DLG2: variants seen among roughly 807,000 people sequenced by gnomAD.
The protein encoded by DLG2 is discs large MAGUK scaffold protein 2, also known as disks large homolog 2.
DLG2 carries 45 observed loss-of-function variants against 132.5 expected under a neutral mutation model. That is an observed-to-expected ratio of 0.34 (90% CI 0.27 to 0.44). The LOEUF is 0.44. Ranked by LOEUF, DLG2 falls within the 20% of genes least tolerant of loss-of-function variation. The pLI is 1.00. For missense variants in DLG2, 1,045 were observed against 1,196.9 expected (o/e 0.87, Z 1.87); for synonymous variants, 424 against 419.6 (o/e 1.01, Z -0.13).
At chr11:84,514,725 T>C (rs1315489128) in intron 7 of DLG2, among the ~76,000 whole-genome samples, 1 of 151,748 alleles carries the variant, frequency 6.6e-6, no homozygotes, top group Non-Finnish European at 1.5e-5. Context: ...AGTTGTATAG[T>C]TAGAGTGAAT....
chr11:83,610,715 G>A (rs7948803), intron 19 of DLG2, among the ~76,000 whole-genome samples: 1,547 of 152,144 alleles, frequency 0.01, 25 homozygotes, highest in African/African-American at 0.036. Context: ...ACCATTTATT[G>A]AGCATCTTTT....
intron 6 of DLG2, among the ~76,000 whole-genome samples, chr11:84,830,723 A>G (rs1461604527): frequency 6.6e-6 from 1 of 151,556 alleles, no homozygotes; most frequent in Non-Finnish European, 1.5e-5. Flanking sequence ...GGTAATAAGC[A>G]AGCAAGGTAT....
In DLG2 at chr11:85,285,325, T is replaced by G. The variant is rs1233310188; in HGVS notation, c.81A>C (p.Gln27His). 1 of 1,611,840 alleles carries G rather than the reference T, an allele frequency of 6.2e-7. No individual in the cohort carries two copies. The highest frequency in any genetic ancestry group is 1.7e-4 in the Middle Eastern group (1 of 6,040). The change falls in exon 4 of 28, where the codon CAA becomes CAC. Residue 27 changes from glutamine to histidine, a missense_variant. Physicochemically the swap from Gln to His is conservative, Grantham distance 24. Transcript: ENST00000376104. ...EFYEVTLLNSQKSCEQKIEEA... is the reference protein window; with the variant it reads ...EFYEVTLLNSHKSCEQKIEEA... ...CTTCTATCTTCTGCTCACAACTTTT[T>G]TGAGAATTTAGCAATGTCACCTCAT...
intron 4 of DLG2, among the ~76,000 whole-genome samples, chr11:85,193,363 C>G (rs371545679): frequency 6.6e-6 from 1 of 152,146 alleles, no homozygotes; most frequent in East Asian, 1.9e-4. Context: ...ATGAATAATG[C>G]TGCTATGAAC....
intron 18 of DLG2, among the ~76,000 whole-genome samples, chr11:83,757,726 A>T (rs1425119568): frequency 6.6e-6 from 1 of 152,098 alleles, no homozygotes; most frequent in Admixed American, 6.6e-5. Context: ...AGCTTCTCTG[A>T]CTTCACACAC....
At chr11:85,339,399 G>A (rs1304060211) in intron 3 of DLG2, among the ~76,000 whole-genome samples, 2 of 152,122 alleles carry the variant, frequency 1.3e-5, no homozygotes, top group African/African-American at 4.8e-5. Flanking sequence ...TGGGCTGAAA[G>A]GTAAATGCAC....
intron 6 of DLG2, among the ~76,000 whole-genome samples, chr11:84,858,441 A>G (rs1391562229): frequency 1.3e-5 from 2 of 152,086 alleles, no homozygotes; most frequent in Non-Finnish European, 2.9e-5. Context: ...TGGCTCTGAA[A>G]TTGTGCATTT....
At chr11:84,064,586 G>T (rs1036964408) in intron 10 of DLG2, among the ~76,000 whole-genome samples, 7 of 152,232 alleles carry the variant, frequency 4.6e-5, no homozygotes, top group Admixed American at 2.6e-4. Context: ...TTGAGAGAAT[G>T]CATGTGAAAT....
At chr11:85,345,371 G>C (rs1367254110) in intron 3 of DLG2, among the ~76,000 whole-genome samples, 1 of 152,048 alleles carries the variant, frequency 6.6e-6, no homozygotes, top group Non-Finnish European at 1.5e-5. Flanking sequence ...AGTACATAGG[G>C]TGTGGCTTGA....
chr11:85,467,547 T>A (rs1169934918), intron 3 of DLG2, among the ~76,000 whole-genome samples: 1 of 152,248 alleles, frequency 6.6e-6, no homozygotes, highest in African/African-American at 2.4e-5. Flanking sequence ...CAAAGGCCTT[T>A]TCTGCATTTA....
intron 3 of DLG2, among the ~76,000 whole-genome samples, chr11:85,500,211 CA>C (rs1244835366): frequency 1.3e-5 from 2 of 152,020 alleles, no homozygotes; most frequent in Non-Finnish European, 2.9e-5. Flanking sequence ...CGTCTCAGCC[CA>C]AAATCTCCCT....
chr11:84,555,446 TAC>T (rs35883976), intron 6 of DLG2, among the ~76,000 whole-genome samples: 36,350 of 151,632 alleles, frequency 0.24, 4,610 homozygotes, highest in South Asian at 0.35. Context: ...TATCCATATA[TAC>T]ACACACACAC....
At chr11:84,414,457 C>CA (rs368289663) in intron 7 of DLG2, among the ~76,000 whole-genome samples, 1 of 152,130 alleles carries the variant, frequency 6.6e-6, no homozygotes, top group Admixed American at 6.5e-5. Flanking sequence ...ATTCAATCCA[C>CA]AAACTGCCTG....
chr11:84,370,686 G>A (rs2098702565), intron 7 of DLG2, among the ~76,000 whole-genome samples: 1 of 152,116 alleles, frequency 6.6e-6, no homozygotes, highest in Admixed American at 6.6e-5. Context: ...TCCCACAAGA[G>A]TACTATTTCT....
Position 84,251,332 on chromosome 11 carries a change from G to A in DLG2, c.520-41C>T, listed in dbSNP as rs2154350727. On this transcript the variant is annotated intron_variant, in intron 7 of 27. Coordinates refer to ENST00000376104, the MANE Select transcript of DLG2 (RefSeq NM_001142699.3). ...GAAAAAAAATTAAATAATGAATAGT[G>A]TATTCTGAGACAGATTATTTCTGTT... 4.3e-6 allele frequency: 6 copies of A among 1,398,546 alleles called. No individual in the cohort carries two copies. In the East Asian group the frequency reaches 1.3e-4, roughly 30 times the overall value. 86.6% of individuals were successfully genotyped at this position (1,398,546 alleles called of 1,614,324 possible). A position where few individuals can be genotyped will look rare whatever the true frequency, so the allele number is the denominator to read the frequency against.
At chr11:84,455,664 A>T (rs1263869666) in intron 7 of DLG2, among the ~76,000 whole-genome samples, 1 of 151,406 alleles carries the variant, frequency 6.6e-6, no homozygotes, top group Non-Finnish European at 1.5e-5. Flanking sequence ...ATCACTAAGG[A>T]TCATACATAC....
intron 6 of DLG2, among the ~76,000 whole-genome samples, chr11:84,656,599 T>C (rs1178246774): frequency 2.0e-5 from 3 of 152,154 alleles, no homozygotes; most frequent in Non-Finnish European, 4.4e-5. Flanking sequence ...TTGACTCTAC[T>C]CTGTCCCATT....
At chr11:84,736,190 T>C (rs1200905121) in intron 6 of DLG2, among the ~76,000 whole-genome samples, 1 of 152,008 alleles carries the variant, frequency 6.6e-6, no homozygotes, top group African/African-American at 2.4e-5. Flanking sequence ...TTTGTCCTTA[T>C]ATGTATGGTT....
At chr11:84,145,250 G>A (rs1404795671) in intron 9 of DLG2, among the ~76,000 whole-genome samples, 2 of 152,178 alleles carry the variant, frequency 1.3e-5, no homozygotes, top group African/African-American at 4.8e-5. Context: ...GTTGCTTAAT[G>A]ACAGGGATAT....
Sources: gnomAD v4.1 joint callset for allele counts (sites outside exome capture counted in the v4.1 genomes callset) on GRCh38, gnomAD v4.1.1 for gene constraint, MANE v1.5 for transcripts, NCBI Gene and HGNC (gene_info 2026-07-23, HGNC 2026-07-21) for gene names.